NFIC: variants seen among roughly 807,000 people sequenced by gnomAD.
NFIC encodes the protein nuclear factor 1 C-type.
In NFIC, 12 loss-of-function variants were observed where a neutral mutation model predicts 54.4. That is an observed-to-expected ratio of 0.22 (90% confidence interval 0.14 to 0.36). The LOEUF (loss-of-function observed/expected upper bound fraction) is 0.36. Ranked by LOEUF, NFIC falls within the 10% of genes least tolerant of loss-of-function variation. The probability of loss-of-function intolerance (pLI) is 1.00; values close to 1 mark genes in which losing one functional copy is unlikely to be tolerated. For missense variants in NFIC, 575 were observed against 718.2 expected (o/e 0.80, Z 2.28); for synonymous variants, 322 against 319.2 (o/e 1.01, Z -0.09).
intron 10 of NFIC, among the ~76,000 whole-genome samples, chr19:3,462,478 T>C (rs2082656446): frequency 6.6e-6 from 1 of 152,230 alleles, no homozygotes. Context: ...TTGCGTGGGC[T>C]AGACTTATAC....
At chr19:3,448,884 C>G (rs190328306) in intron 6 of NFIC, 130 bp from the exon 7 acceptor site, 7 of 1,409,058 alleles carry the variant, frequency 5.0e-6, no homozygotes, top group Non-Finnish European at 6.7e-6. Flanking sequence ...GCCTCTCCCC[C>G]TCAGGATTCT....
intron 9 of NFIC, among the ~76,000 whole-genome samples, chr19:3,455,651 A>G (rs1335431412): frequency 2.0e-5 from 3 of 150,478 alleles, no homozygotes; most frequent in Non-Finnish European, 3.0e-5. Context: ...AGCCTGGTTT[A>G]CAGTAGACAC....
Position 3,452,183 on chromosome 19 carries a change from A to G in NFIC, c.1085-299A>G, listed in dbSNP as rs912818583. Among the ~76,000 whole-genome samples the G allele has an allele frequency of 2.6e-5, 4 of 151,424 alleles. No individual in the cohort carries two copies. The highest frequency in any genetic ancestry group is 9.7e-5 in the African/African-American group (4 of 41,098). On this transcript the variant is annotated intron_variant, in intron 7 of 10. Transcript: ENST00000443272. This position sits in a 1 kb window ranked among gnomAD's most constrained non-coding sequence, Gnocchi z 5.3. The stretch of plus-strand genomic sequence containing the variant: ...CACTTTGGGAGGCCTAGGAGGGAGG[A>G]TCGCTTGAGCCCAGGAGTTCGAGAC...
chr19:3,429,042 T>C (rs1376642684), intron 3 of NFIC, among the ~76,000 whole-genome samples: 10 of 151,596 alleles, frequency 6.6e-5, no homozygotes, highest in African/African-American at 2.4e-4. Context: ...CCCAGCACTT[T>C]GGGAGGCTGA....
chr19:3,366,472 C>CAGGAGGGAGG, upstream of NFIC: 1 of 503,566 alleles, frequency 2.0e-6, no homozygotes, highest in Non-Finnish European at 3.4e-6. Context: ...AGAGGGAGAG[C>CAGGAGGGAGG]AGGAGGGAGG....
At chr19:3,441,175 C>A (rs537154588) in intron 6 of NFIC, among the ~76,000 whole-genome samples, 1 of 152,194 alleles carries the variant, frequency 6.6e-6, no homozygotes, top group Non-Finnish European at 1.5e-5. Flanking sequence ...AGGTGCCTGG[C>A]AGGCACCTCA....
chr19:3,462,610 G>C (rs1313226451), intron 10 of NFIC, 142 bp from the exon 11 acceptor site: 2 of 935,466 alleles, frequency 2.1e-6, no homozygotes, highest in Non-Finnish European at 3.4e-6. Context: ...TAGAGCCTGG[G>C]ATGGGGAAAC....
intron 2 of NFIC, among the ~76,000 whole-genome samples, chr19:3,387,870 A>G (rs1265619490): frequency 1.3e-5 from 2 of 152,090 alleles, no homozygotes; most frequent in African/African-American, 4.8e-5. Context: ...AGGAGCCTGC[A>G]GGAACCAGGG....
At chr19:3,425,491 G>A (rs932273466) in intron 3 of NFIC, among the ~76,000 whole-genome samples, 55 of 152,106 alleles carry the variant, frequency 3.6e-4, no homozygotes, top group African/African-American at 1.3e-3. Flanking sequence ...ATGGAGTCTC[G>A]CTCTGTCATC....
At position 3,464,612 on chromosome 19, in the gene NFIC, C is replaced by T. The variant is rs2082691498; in HGVS notation, c.*1843C>T. ...CCCCTCCCCCGACCCAGGCCAAAGC[C>T]AGGGCAGGTCTCCGGGTCTCACCTG... On this transcript the variant is annotated 3_prime_UTR_variant, in exon 11 of 11. Transcript: ENST00000443272. The T allele has an allele frequency of 1.0e-6, 1 of 975,036 alleles. No individual in the cohort carries two copies. Among genetic ancestry groups the T allele is most frequent in the Non-Finnish European group, 1.2e-6 (1 of 821,628 alleles). The allele number at this position is 975,036 out of a possible 1,614,324, so 60.4% of individuals were successfully genotyped here.
chr19:3,362,520 C>T (rs1335028620), upstream of NFIC, among the ~76,000 whole-genome samples: 2 of 151,128 alleles, frequency 1.3e-5, no homozygotes, highest in African/African-American at 2.4e-5. Context: ...TGAGTCTGTG[C>T]GTGTATTTGT....
Position 3,452,336 on chromosome 19 carries a change from A to T in NFIC, c.1085-146A>T, listed in dbSNP as rs1461424294. ...GGGGAATTTGGGTGTCAATGTGGTC[A>T]GTGCTGCTGGGTTTTTTTGGTGGTT... On this transcript the variant is annotated intron_variant, in intron 7 of 10. Coordinates refer to ENST00000443272, the MANE Select transcript of NFIC (RefSeq NM_001245002.2). This position sits in a 1 kb window ranked among gnomAD's most constrained non-coding sequence, Gnocchi z 5.3. 1.0e-6 allele frequency: 1 copy of T among 999,754 alleles called. No individual in the cohort carries two copies. The highest frequency in any genetic ancestry group is 1.5e-6 in the Non-Finnish European group (1 of 681,078). 61.9% of individuals were successfully genotyped at this position (999,754 alleles called of 1,614,324 possible).
chr19:3,420,560 T>TAAAA (rs1568437320), intron 2 of NFIC, among the ~76,000 whole-genome samples: 2 of 134,572 alleles, frequency 1.5e-5, no homozygotes, highest in African/African-American at 6.2e-5. Context: ...CTCAAAAAAA[T>TAAAA]AAATAAATAA....
At chr19:3,394,211 G>A (rs1462861769) in intron 2 of NFIC, among the ~76,000 whole-genome samples, 1 of 152,120 alleles carries the variant, frequency 6.6e-6, no homozygotes, top group African/African-American at 2.4e-5. Context: ...GGGTGCAGTG[G>A]CTCACGCCTG....
chr19:3,443,384 G>C (rs4807469), intron 6 of NFIC, among the ~76,000 whole-genome samples: 71,021 of 151,056 alleles, frequency 0.47, 18,500 homozygotes, highest in East Asian at 0.75. Context: ...GATTGCACCA[G>C]TGCACTCCAG....
chr19:3,441,520 C>G (rs1454136141), intron 6 of NFIC, among the ~76,000 whole-genome samples: 1 of 152,378 alleles, frequency 6.6e-6, no homozygotes, highest in Non-Finnish European at 1.5e-5. Flanking sequence ...TGGCCTGCAT[C>G]GGTAAACATT....
In NFIC at chr19:3,462,818, G is replaced by A. The variant is rs374310905; in HGVS notation, c.*49G>A. On this transcript the variant is annotated 3_prime_UTR_variant, in exon 11 of 11. Transcript: ENST00000443272. ...TTCTCCATCGTCCCAGGAATCCCAGGGGGCAGCACAGCCGGCCCCCGGCCC... is the reference window on the plus strand; with the variant it reads ...TTCTCCATCGTCCCAGGAATCCCAGAGGGCAGCACAGCCGGCCCCCGGCCC... The A allele has an allele frequency of 1.2e-6, 2 of 1,613,372 alleles. No homozygotes were observed. Among genetic ancestry groups the A allele is most frequent in the Non-Finnish European group, 1.7e-6 (2 of 1,179,838 alleles).
In NFIC at chr19:3,359,678, G is replaced by A. The variant is rs767913253; in HGVS notation, c.-5G>A. 2.1e-6 allele frequency: 3 copies of A among 1,421,368 alleles called. No individual in the cohort carries two copies. In the South Asian group the frequency reaches 4.3e-5, roughly 20 times the overall value. The allele number at this position is 1,421,368 out of a possible 1,614,324, so 88.0% of individuals were successfully genotyped here. Reference sequence around the variant, plus strand: ...GCGCCGGCCTCGCCTCCTCGCAGCAGCGCCATGGTACGTCGCCGCACCCAC... The same window carrying A: ...GCGCCGGCCTCGCCTCCTCGCAGCAACGCCATGGTACGTCGCCGCACCCAC... On this transcript the variant is annotated 5_prime_UTR_variant, in exon 1 of 10. Transcript: ENST00000395111.
intron 2 of NFIC, among the ~76,000 whole-genome samples, chr19:3,423,043 C>T (rs1472127065): frequency 6.6e-6 from 1 of 150,664 alleles, no homozygotes; most frequent in African/African-American, 2.4e-5. Flanking sequence ...ACTAAAAATA[C>T]AAAAATTAGC....
Sources: allele counts gnomAD v4.1 joint callset (sites outside exome capture counted in the v4.1 genomes callset), GRCh38; gene constraint gnomAD v4.1.1; non-coding constraint Gnocchi (gnomAD v3.1); transcripts MANE v1.5; gene names NCBI Gene and HGNC (gene_info 2026-07-23, HGNC 2026-07-21).